The following RNF182 variants were observed in gnomAD, a reference collection of about 807,000 sequenced individuals.
The protein encoded by RNF182 is ring finger protein 182, also known as E3 ubiquitin-protein ligase RNF182.
A neutral mutation model predicts 14.4 loss-of-function variants in RNF182; 15 were observed. The observed-to-expected ratio is 1.04, with a 90% CI of 0.70 to 1.60. RNF182 has a LOEUF of 1.60. Ranked by LOEUF, RNF182 falls within the 40% of genes most tolerant of loss-of-function variation. RNF182 has a pLI of 0.00. For synonymous variants in RNF182, 128 were observed against 122.9 expected, an observed-to-expected ratio of 1.04 and a Z score of -0.27; for missense variants, 268 against 294.8, an observed-to-expected ratio of 0.91 and a Z score of 0.67.
At chr6:13,975,777 A>G (rs147573592) in intron 2 of RNF182, among the ~76,000 whole-genome samples, 189 of 152,328 alleles carry the variant, frequency 1.2e-3, no homozygotes, top group African/African-American at 4.3e-3. Context: ...GCTTTCTGCT[A>G]TTATTGCTTG....
chr6:13,942,756 C>G (rs901206682), intron 1 of RNF182, among the ~76,000 whole-genome samples: 1 of 152,204 alleles, frequency 6.6e-6, no homozygotes, highest in Non-Finnish European at 1.5e-5. Context: ...TCACCCTGTT[C>G]TATTTGACTC....
intron 2 of RNF182, among the ~76,000 whole-genome samples, chr6:13,974,989 CAAAGAA>C (rs1760287961): frequency 6.6e-6 from 1 of 152,164 alleles, no homozygotes; most frequent in South Asian, 2.1e-4. Context: ...CATGTAGCTG[CAAAGAA>C]CAAATGACAT....
chr6:13,948,803 T>C (rs183004621), intron 1 of RNF182, among the ~76,000 whole-genome samples: 3 of 152,332 alleles, frequency 2.0e-5, no homozygotes, highest in Admixed American at 2.0e-4. Flanking sequence ...CCTTTACCCA[T>C]TGATAGAGGG....
At chr6:13,970,778 T>G (rs1760154733) in intron 1 of RNF182, among the ~76,000 whole-genome samples, 1 of 152,190 alleles carries the variant, frequency 6.6e-6, no homozygotes, top group Non-Finnish European at 1.5e-5. Context: ...TGAAAAAAAT[T>G]AATGGACTTA....
chr6:13,975,177 A>G (rs1191970433), intron 2 of RNF182, among the ~76,000 whole-genome samples: 1 of 152,168 alleles, frequency 6.6e-6, no homozygotes, highest in Non-Finnish European at 1.5e-5. Flanking sequence ...GGTGACCAGG[A>G]TAGAACTCCT....
Position 13,979,585 on chromosome 6 carries a change from A to G in RNF182, c.*1722A>G, listed in dbSNP as rs1198520086. ...CTAAATACATTTATGATTTCATAAA[A>G]TCTAGTTTAGATAGCATTGTGATGC... On this transcript the variant is annotated 3_prime_UTR_variant, in exon 3 of 3. Transcript: ENST00000488300. 1 of 166,942 alleles carries G rather than the reference A, an allele frequency of 6.0e-6. No individual in the cohort carries two copies. The highest frequency in any genetic ancestry group is 1.5e-5 in the Non-Finnish European group (1 of 68,128). The allele number at this position is 166,942 out of a possible 1,614,324, so 10.3% of individuals were successfully genotyped here.
intron 1 of RNF182, 115 bp downstream of exon 1, chr6:13,925,138 C>T (rs1323830919): frequency 9.8e-6 from 1 of 101,550 alleles, no homozygotes; most frequent in African/African-American, 3.9e-5. Context: ...CCAAGCGCGC[C>T]GAGGAGAGGG....
At chr6:13,967,337 GA>G (rs956075476) in intron 1 of RNF182, among the ~76,000 whole-genome samples, 3 of 152,102 alleles carry the variant, frequency 2.0e-5, no homozygotes, top group Admixed American at 6.6e-5. Flanking sequence ...AGTTTATGAA[GA>G]AAATAAAGTT....
Position 13,978,123 on chromosome 6 carries a change from G to T in RNF182, c.*260G>T. On this transcript the variant is annotated 3_prime_UTR_variant, in exon 3 of 3. Transcript: ENST00000488300. ...GTGAGTCTTCCCAGAGAAAGGACAGGGTTTCTCTCAGCACTGCCAGACAGA... is the reference window on the plus strand; with the variant it reads ...GTGAGTCTTCCCAGAGAAAGGACAGTGTTTCTCTCAGCACTGCCAGACAGA... The T allele has an allele frequency of 4.9e-6, 2 of 411,500 alleles. No homozygotes were observed. The highest frequency in any genetic ancestry group is 9.1e-6 in the Non-Finnish European group (2 of 220,534). The allele number at this position is 411,500 out of a possible 1,614,324, so 25.5% of individuals were successfully genotyped here. A position where few individuals can be genotyped will look rare whatever the true frequency, so the allele number is the denominator to read the frequency against.
chr6:13,949,716 C>T (rs907457167), intron 1 of RNF182: 14 of 232,620 alleles, frequency 6.0e-5, no homozygotes, highest in African/African-American at 2.3e-4. Flanking sequence ...TCTTTGTGTA[C>T]GATATCTTCA....
chr6:13,929,605 A>G (rs142284608), intron 1 of RNF182, among the ~76,000 whole-genome samples: 1 of 152,294 alleles, frequency 6.6e-6, no homozygotes, highest in African/African-American at 2.4e-5. Flanking sequence ...ACACTTTTCT[A>G]AGCACTTCAG....
In RNF182 at chr6:13,977,202, A is replaced by G. The variant is rs923757135; in HGVS notation, c.83A>G (p.Asn28Ser). The change falls in exon 3 of 3, where the codon AAT (asparagine) becomes AGT (serine). Residue 28 changes from asparagine to serine, a missense_variant. Asn to Ser is a conservative substitution (Grantham distance 46). Coordinates refer to ENST00000488300, the MANE Select transcript of RNF182 (RefSeq NM_152737.4). Reference sequence around the variant, plus strand: ...TGCAAAATCTGTTACAATCGATACAATCTGAAACAGAGGAAACCCAAAGTG... The same window carrying G: ...TGCAAAATCTGTTACAATCGATACAGTCTGAAACAGAGGAAACCCAAAGTG... ...LECKICYNRY[N>S]LKQRKPKVLE... The G allele has an allele frequency of 7.4e-6, 12 of 1,614,016 alleles. 1 individual carries two copies. The highest frequency in any genetic ancestry group is 2.2e-5 in the South Asian group (2 of 91,086).
At position 13,979,906 on chromosome 6, in the gene RNF182, A is replaced by G. The variant is rs552115591; in HGVS notation, c.*2043A>G. On this transcript the variant is annotated 3_prime_UTR_variant, in exon 3 of 3. Transcript: ENST00000488300. Reference sequence around the variant, plus strand: ...GAGAGCAATCTTTGTATGACACCAGAAAACTCTTCATGCTATTGAATGATA... The same window carrying G: ...GAGAGCAATCTTTGTATGACACCAGGAAACTCTTCATGCTATTGAATGATA... The G allele has an allele frequency of 6.0e-6, 1 of 167,122 alleles. No individual in the cohort carries two copies. Among genetic ancestry groups the G allele is most frequent in the Non-Finnish European group, 1.5e-5 (1 of 68,094 alleles). The allele number at this position is 167,122 out of a possible 1,614,324, so 10.4% of individuals were successfully genotyped here. A position where few individuals can be genotyped will look rare whatever the true frequency, so the allele number is the denominator to read the frequency against.
intron 1 of RNF182, among the ~76,000 whole-genome samples, chr6:13,934,280 G>A (rs946831766): frequency 6.6e-6 from 1 of 152,038 alleles, no homozygotes; most frequent in Non-Finnish European, 1.5e-5. Flanking sequence ...TTATTGTTAT[G>A]GAGTCTCCTG....
At chr6:13,932,793 A>G (rs906598752) in intron 1 of RNF182, among the ~76,000 whole-genome samples, 22 of 152,310 alleles carry the variant, frequency 1.4e-4, no homozygotes, top group Admixed American at 1.3e-3. Flanking sequence ...GGCTGTTCCA[A>G]TTAATATAAG....
At chr6:13,936,256 A>C (rs199856371) in intron 1 of RNF182, among the ~76,000 whole-genome samples, 1 of 152,236 alleles carries the variant, frequency 6.6e-6, no homozygotes, top group East Asian at 1.9e-4. Context: ...CCATATCAGT[A>C]AGGAACTAGC....
At chr6:13,929,859 T>C (rs1028541277) in intron 1 of RNF182, among the ~76,000 whole-genome samples, 2 of 152,198 alleles carry the variant, frequency 1.3e-5, no homozygotes, top group Non-Finnish European at 2.9e-5. Context: ...CCCCATCTTA[T>C]TTTCTCTTTT....
chr6:13,957,442 A>T (rs1759758718), intron 1 of RNF182, among the ~76,000 whole-genome samples: 3 of 152,226 alleles, frequency 2.0e-5, no homozygotes, highest in Admixed American at 2.0e-4. Context: ...GAATATAGAA[A>T]GTTTTTAAAT....
intron 1 of RNF182, chr6:13,949,223 A>C: frequency 6.3e-6 from 5 of 794,234 alleles, no homozygotes; most frequent in Non-Finnish European, 9.3e-6. Flanking sequence ...TGCATTGTCC[A>C]CTGGACGTTT....
Sources: allele counts gnomAD v4.1 joint callset (sites outside exome capture counted in the v4.1 genomes callset), GRCh38; gene constraint gnomAD v4.1.1; transcripts MANE v1.5; gene names NCBI Gene and HGNC (gene_info 2026-07-23, HGNC 2026-07-21).